The following SH3PXD2A variants were observed in gnomAD, a reference collection of about 807,000 sequenced individuals.
SH3PXD2A encodes the protein SH3 and PX domain-containing protein 2A.
A neutral mutation model predicts 115.2 loss-of-function variants in SH3PXD2A; 32 were observed. That is an observed-to-expected ratio of 0.28 (90% CI 0.21 to 0.37). The LOEUF (loss-of-function observed/expected upper bound fraction) is 0.37. Among genes scored for constraint, SH3PXD2A ranks in the 10% least tolerant of loss-of-function variants. The pLI is 1.00. For missense variants in SH3PXD2A, 1,328 were observed against 1,498.7 expected (o/e 0.89, Z 1.88); for synonymous variants, 610 against 629.1 (o/e 0.97, Z 0.45).
At chr10:103,661,246 C>T in intron 7 of SH3PXD2A, 132 bp from the exon 8 acceptor site, 1 of 1,092,140 alleles carries the variant, frequency 9.2e-7, no homozygotes, top group South Asian at 1.6e-5. Flanking sequence ...CAGCCCGCAG[C>T]CGGGGCTCGC....
intron 8 of SH3PXD2A, among the ~76,000 whole-genome samples, chr10:103,649,919 G>A (rs767032362): frequency 2.6e-5 from 4 of 152,222 alleles, no homozygotes; most frequent in Non-Finnish European, 4.4e-5. Context: ...TCAGCCAGCT[G>A]TAGGGCAGCC....
At chr10:103,804,170 G>A (rs1237945036) in intron 1 of SH3PXD2A, among the ~76,000 whole-genome samples, 8 of 152,114 alleles carry the variant, frequency 5.3e-5, no homozygotes, top group African/African-American at 1.9e-4. Flanking sequence ...TGCTGCAGGA[G>A]TATAATGAAT....
At chr10:103,840,313 C>T (rs372041655) in intron 1 of SH3PXD2A, among the ~76,000 whole-genome samples, 1 of 152,318 alleles carries the variant, frequency 6.6e-6, no homozygotes, top group South Asian at 2.1e-4. Context: ...ATAAACACAT[C>T]GCCACCCCGG....
intron 8 of SH3PXD2A, among the ~76,000 whole-genome samples, chr10:103,632,153 C>T (rs986740130): frequency 5.3e-5 from 8 of 151,822 alleles, no homozygotes; most frequent in Non-Finnish European, 1.0e-4. Flanking sequence ...GGTGACAGAG[C>T]GAGACCCCAC....
intron 3 of SH3PXD2A, 31 bp downstream of exon 3, chr10:103,767,063 C>T (rs1266746801): frequency 3.8e-6 from 6 of 1,567,188 alleles, no homozygotes; most frequent in Non-Finnish European, 5.3e-6. Flanking sequence ...CGGGTATCCC[C>T]CATCCCTGGG....
chr10:103,604,470 C>T (rs2036270284), intron 14 of SH3PXD2A, among the ~76,000 whole-genome samples: 1 of 152,214 alleles, frequency 6.6e-6, no homozygotes, highest in Non-Finnish European at 1.5e-5. Flanking sequence ...TCCTTAACTT[C>T]TGGAGATCAA....
intron 1 of SH3PXD2A, among the ~76,000 whole-genome samples, chr10:103,809,982 T>C (rs2134275720): frequency 6.6e-6 from 1 of 152,230 alleles, no homozygotes; most frequent in Non-Finnish European, 1.5e-5. Flanking sequence ...AGCCACCTCA[T>C]CCGGCCCCAC....
chr10:103,668,124 GC>G (rs1255054536), intron 7 of SH3PXD2A, among the ~76,000 whole-genome samples: 1 of 152,248 alleles, frequency 6.6e-6, no homozygotes, highest in Non-Finnish European at 1.5e-5. Flanking sequence ...GGGTGTCAGG[GC>G]CCGCTGCTCT....
At chr10:103,789,670 G>T (rs1057359768) in intron 2 of SH3PXD2A, among the ~76,000 whole-genome samples, 1 of 152,236 alleles carries the variant, frequency 6.6e-6, no homozygotes, top group Non-Finnish European at 1.5e-5. Context: ...TATCCAAAGA[G>T]GGGTAAGATG....
chr10:103,798,908 G>A (rs115615903), intron 2 of SH3PXD2A, among the ~76,000 whole-genome samples: 3,359 of 152,150 alleles, frequency 0.022, 118 homozygotes, highest in African/African-American at 0.076. Flanking sequence ...GCCCCTAGAC[G>A]CCCCCCAGCC....
At chr10:103,753,758 C>T (rs2038607824) in intron 3 of SH3PXD2A, 1 of 152,174 alleles carries the variant, frequency 6.6e-6, no homozygotes, top group South Asian at 2.1e-4. Flanking sequence ...CAGACATTCT[C>T]TCTCATTTAT....
intron 1 of SH3PXD2A, among the ~76,000 whole-genome samples, chr10:103,822,548 G>C (rs743246): frequency 0.25 from 36,622 of 145,758 alleles, 5,082 homozygotes; most frequent in East Asian, 0.6. Flanking sequence ...AGGGCATGGT[G>C]GGGGGGGAGC....
intron 3 of SH3PXD2A, among the ~76,000 whole-genome samples, chr10:103,737,742 G>A (rs897726319): frequency 2.0e-5 from 3 of 152,194 alleles, no homozygotes; most frequent in South Asian, 4.1e-4. Flanking sequence ...AAGCCCTGAG[G>A]TAGAAGGCCC....
At chr10:103,721,379 T>C (rs1351839181) in intron 5 of SH3PXD2A, among the ~76,000 whole-genome samples, 1 of 152,242 alleles carries the variant, frequency 6.6e-6, no homozygotes, top group Non-Finnish European at 1.5e-5. Flanking sequence ...AGCCATGGCC[T>C]GCTGCCTCCC....
chr10:103,846,200 A>G (rs956558189), intron 1 of SH3PXD2A, among the ~76,000 whole-genome samples: 3 of 152,274 alleles, frequency 2.0e-5, no homozygotes, highest in African/African-American at 7.2e-5. Flanking sequence ...AAATGACAGC[A>G]CAGGGACAGA....
chr10:103,843,457 G>A (rs1378513364), intron 1 of SH3PXD2A, among the ~76,000 whole-genome samples: 1 of 152,216 alleles, frequency 6.6e-6, no homozygotes, highest in African/African-American at 2.4e-5. Context: ...AGGAGGATGT[G>A]GAGACTGGCA....
chr10:103,751,047 C>A (rs1207198750), intron 3 of SH3PXD2A, among the ~76,000 whole-genome samples: 1 of 152,144 alleles, frequency 6.6e-6, no homozygotes, highest in Non-Finnish European at 1.5e-5. Flanking sequence ...TTCCCCCAGA[C>A]CAATAGAATG....
chr10:103,764,891 T>C (rs1221882834), intron 3 of SH3PXD2A, among the ~76,000 whole-genome samples: 1 of 152,198 alleles, frequency 6.6e-6, no homozygotes, highest in Non-Finnish European at 1.5e-5. Context: ...AAAATGGGGA[T>C]GATCACCTAG....
intron 8 of SH3PXD2A, among the ~76,000 whole-genome samples, chr10:103,643,483 C>T (rs990013774): frequency 2.6e-5 from 4 of 152,124 alleles, no homozygotes; most frequent in African/African-American, 7.2e-5. Context: ...TAGGTATAGA[C>T]GGGAGATTCC....
Sources: allele counts gnomAD v4.1 joint callset (sites outside exome capture counted in the v4.1 genomes callset), GRCh38; gene constraint gnomAD v4.1.1; transcripts MANE v1.5; gene names NCBI Gene and HGNC (gene_info 2026-07-23, HGNC 2026-07-21).